The following HECW2 variants were observed in gnomAD, a reference collection of about 807,000 sequenced individuals.
The protein encoded by HECW2 is HECT, C2 and WW domain containing E3 ubiquitin protein ligase 2, also known as E3 ubiquitin-protein ligase HECW2.
HECW2 carries 61 observed loss-of-function variants against 175.2 expected under a neutral mutation model. The ratio of observed to expected loss-of-function variants is 0.35; its 90% CI spans 0.28 to 0.43. The LOEUF is 0.43. HECW2 is among the 20% of genes least tolerant of loss of function. HECW2 has a pLI of 1.00. For synonymous variants in HECW2, 671 were observed against 731.0 expected (o/e 0.92, Z 1.32); for missense variants, 1,524 against 2,000.5 (o/e 0.76, Z 4.54).
intron 19 of HECW2, among the ~76,000 whole-genome samples, chr2:196,245,246 T>C (rs192320385): frequency 1.1e-3 from 171 of 152,352 alleles, no homozygotes; most frequent in African/African-American, 3.9e-3. Context: ...TGATGCACGT[T>C]ACACAGGGGA....
intron 1 of HECW2, among the ~76,000 whole-genome samples, chr2:196,443,205 T>C (rs1696089746): frequency 6.6e-6 from 1 of 152,098 alleles, no homozygotes; most frequent in Admixed American, 6.6e-5. Flanking sequence ...TGGGGAGAAG[T>C]GATTCCTCAA....
chr2:196,407,444 T>G (rs1387166297), intron 2 of HECW2, among the ~76,000 whole-genome samples: 1 of 152,062 alleles, frequency 6.6e-6, no homozygotes. Flanking sequence ...TTACACGATC[T>G]GCCCACCTCA....
At chr2:196,406,480 A>G (rs991344575) in intron 2 of HECW2, among the ~76,000 whole-genome samples, 2 of 152,230 alleles carry the variant, frequency 1.3e-5, no homozygotes, top group Non-Finnish European at 2.9e-5. Context: ...CTGCACTGCT[A>G]CAAGACTGAC....
At chr2:196,501,609 T>C (rs1451686882) in intron 1 of HECW2, among the ~76,000 whole-genome samples, 2 of 152,138 alleles carry the variant, frequency 1.3e-5, no homozygotes, top group Non-Finnish European at 2.9e-5. Flanking sequence ...AAAGCCTAAG[T>C]TCTCCATGTA....
intron 1 of HECW2, among the ~76,000 whole-genome samples, chr2:196,464,721 C>T (rs1696879356): frequency 1.3e-5 from 2 of 152,062 alleles, no homozygotes; most frequent in Non-Finnish European, 2.9e-5. Context: ...TAGGATAAGA[C>T]TGTGCTTGTA....
chr2:196,450,239 G>A (rs184546761), intron 1 of HECW2, among the ~76,000 whole-genome samples: 4 of 152,286 alleles, frequency 2.6e-5, no homozygotes, highest in Admixed American at 2.6e-4. Flanking sequence ...ACAAAACCTA[G>A]ATAATAGGTG....
intron 2 of HECW2, among the ~76,000 whole-genome samples, chr2:196,372,969 C>T (rs1043788715): frequency 6.6e-6 from 1 of 152,170 alleles, no homozygotes; most frequent in Non-Finnish European, 1.5e-5. Flanking sequence ...TAACGAGGCA[C>T]AGCCAGTACA....
Position 196,257,869 on chromosome 2 carries a change from C to T in HECW2, c.3373G>A (p.Gly1125Arg). 1 of 1,614,088 alleles carries T rather than the reference C, an allele frequency of 6.2e-7. No homozygotes were observed. The highest frequency in any genetic ancestry group is 8.5e-7 in the Non-Finnish European group (1 of 1,179,956). The change falls in exon 18 of 29, where the codon GGA becomes AGA. Residue 1125 changes from glycine (G) to arginine (R), a missense_variant. By Grantham distance (125) the Gly-to-Arg change is moderately radical. Transcript: ENST00000644978. ...IQFIRTEGTP[G>R]LVRLSSDADL... is the part of the protein sequence containing the mutation. ...GCATCGCTTGAAAGGCGCACCAATCCTGGAGTCCCTTCAGTTCGGATAAAT... is the reference window on the plus strand; with the variant it reads ...GCATCGCTTGAAAGGCGCACCAATCTTGGAGTCCCTTCAGTTCGGATAAAT...
At chr2:196,550,307 T>A (rs764656656) in intron 1 of HECW2, among the ~76,000 whole-genome samples, 1 of 152,312 alleles carries the variant, frequency 6.6e-6, no homozygotes, top group South Asian at 2.1e-4. Flanking sequence ...TATTTTCTGA[T>A]TGTAATTTAA....
At chr2:196,277,218 G>A (rs1559004437) in intron 15 of HECW2, among the ~76,000 whole-genome samples, 2 of 152,094 alleles carry the variant, frequency 1.3e-5, no homozygotes. Context: ...GAGGGCCCTC[G>A]TGTGGTTACC....
At chr2:196,494,592 G>A (rs1159160402) in intron 1 of HECW2, among the ~76,000 whole-genome samples, 1 of 152,144 alleles carries the variant, frequency 6.6e-6, no homozygotes, top group East Asian at 1.9e-4. Context: ...CAAAAACAGA[G>A]CACATAGGGA....
At chr2:196,382,302 C>T (rs935250363) in intron 2 of HECW2, among the ~76,000 whole-genome samples, 12 of 150,074 alleles carry the variant, frequency 8.0e-5, no homozygotes, top group Non-Finnish European at 1.6e-4. Flanking sequence ...AAAGAATAAA[C>T]CTGAAACTAA....
At chr2:196,283,247 G>A (rs1690254809) in intron 14 of HECW2, among the ~76,000 whole-genome samples, 1 of 97,868 alleles carries the variant, frequency 1.0e-5, no homozygotes, top group African/African-American at 4.0e-5. Context: ...GGGTGACAGA[G>A]CAAGACTCCA....
At chr2:196,535,060 A>AC (rs1248354388) in intron 1 of HECW2, among the ~76,000 whole-genome samples, 1 of 152,122 alleles carries the variant, frequency 6.6e-6, no homozygotes, top group African/African-American at 2.4e-5. Context: ...CAAAAAAAAA[A>AC]AAACAAAAAA....
At chr2:196,569,101 G>A (rs1053096579) in intron 1 of HECW2, among the ~76,000 whole-genome samples, 1 of 152,168 alleles carries the variant, frequency 6.6e-6, no homozygotes, top group African/African-American at 2.4e-5. Flanking sequence ...ACTTTGGGAG[G>A]CCAGGGAGGA....
chr2:196,375,171 G>GAAAA (rs3082113), intron 2 of HECW2, among the ~76,000 whole-genome samples: 31,452 of 148,700 alleles, frequency 0.21, 5,414 homozygotes, highest in African/African-American at 0.48. Context: ...AAAAAAAAAA[G>GAAAA]AAAGAAAAAA....
At chr2:196,427,163 T>C (rs1238290724) in intron 2 of HECW2, among the ~76,000 whole-genome samples, 1 of 152,152 alleles carries the variant, frequency 6.6e-6, no homozygotes, top group Non-Finnish European at 1.5e-5. Context: ...ATAGCAACAT[T>C]TTCTCATCGA....
intron 18 of HECW2, among the ~76,000 whole-genome samples, chr2:196,256,105 AT>A (rs1689046459): frequency 1.3e-5 from 2 of 152,154 alleles, no homozygotes; most frequent in African/African-American, 4.8e-5. Flanking sequence ...GAGGACATGA[AT>A]AAAACCCCAA....
At chr2:196,398,739 T>C (rs1694738982) in intron 2 of HECW2, among the ~76,000 whole-genome samples, 1 of 152,206 alleles carries the variant, frequency 6.6e-6, no homozygotes, top group Non-Finnish European at 1.5e-5. Context: ...CATATCTGGT[T>C]TCCCCAGTGA....
Sources: allele counts gnomAD v4.1 joint callset (sites outside exome capture counted in the v4.1 genomes callset), GRCh38; gene constraint gnomAD v4.1.1; transcripts MANE v1.5; gene names NCBI Gene and HGNC (gene_info 2026-07-23, HGNC 2026-07-21).